The following TMEM178B variants were observed in gnomAD, a reference collection of about 807,000 sequenced individuals.
TMEM178B encodes the protein transmembrane protein 178B.
In TMEM178B, 5 loss-of-function variants were observed where a neutral mutation model predicts 31.0. That is an observed-to-expected ratio of 0.16 (90% CI 0.08 to 0.34). The LOEUF is 0.34. Among genes scored for constraint, TMEM178B ranks in the 10% least tolerant of loss-of-function variants. The pLI is 1.00. For missense variants in TMEM178B, 275 were observed against 400.3 expected (o/e 0.69, Z 2.67); for synonymous variants, 164 against 164.0 (o/e 1.00, Z 0.00).
In TMEM178B at chr7:141,262,474, A is replaced by AATATATATATATATATATATAT. The variant is rs10570183; in HGVS notation, c.496+49779_496+49800dup. On this transcript the variant is annotated intron_variant, in intron 2 of 3. Transcript: ENST00000565468. ...AATGGAAAGCTTGATAAATACATAT[A>AATATATATATATATATATATAT]ATATATATATATATATATATATATA... Among the ~76,000 whole-genome samples the AATATATATATATATATATATAT allele has an allele frequency of 3.4e-3, 452 of 131,654 alleles. 7 individuals carry two copies. Among genetic ancestry groups the AATATATATATATATATATATAT allele is most frequent in the Non-Finnish European group, 4.3e-3 (270 of 62,694 alleles). 86.4% of individuals were successfully genotyped at this position (131,654 alleles called of 152,430 possible). A position where few individuals can be genotyped will look rare whatever the true frequency, so the allele number is the denominator to read the frequency against.
chr7:141,493,755 A>G, the TMEM178B span, among the ~76,000 whole-genome samples: 1 of 152,166 alleles, frequency 6.6e-6, no homozygotes, highest in Non-Finnish European at 1.5e-5. Flanking sequence ...CTGTCAATGC[A>G]TATCTTCATT....
At chr7:141,208,261 A>G (rs1018757660) in intron 1 of TMEM178B, among the ~76,000 whole-genome samples, 3 of 152,272 alleles carry the variant, frequency 2.0e-5, no homozygotes, top group Admixed American at 6.5e-5. Flanking sequence ...CACCCCTGGG[A>G]TCTCAACCAG....
the TMEM178B span, among the ~76,000 whole-genome samples, chr7:141,501,378 T>C: frequency 6.6e-6 from 1 of 151,880 alleles, no homozygotes; most frequent in Admixed American, 6.6e-5. Context: ...AAGAACCTCC[T>C]AGAATCCACA....
At chr7:141,447,852 T>G (rs1356644868) in intron 3 of TMEM178B, among the ~76,000 whole-genome samples, 2 of 152,022 alleles carry the variant, frequency 1.3e-5, no homozygotes, top group Non-Finnish European at 2.9e-5. Context: ...CGTTCAAACA[T>G]GATTAAGAAT....
intron 1 of TMEM178B, among the ~76,000 whole-genome samples, chr7:141,189,279 GGCAGAACTTTCCCAT>G (rs1796659115): frequency 6.6e-6 from 1 of 152,266 alleles, no homozygotes; most frequent in Admixed American, 6.5e-5. Context: ...ATTGAGTGAA[GGCAGAACTTTCCCAT>G]GCAGTGGCTG....
intron 2 of TMEM178B, among the ~76,000 whole-genome samples, chr7:141,215,316 T>TTTATTA (rs1021886023): frequency 3.5e-5 from 5 of 144,182 alleles, no homozygotes; most frequent in Non-Finnish European, 4.5e-5. Flanking sequence ...GGTTATCATC[T>TTTATTA]TTATTATTAT....
chr7:141,285,025 A>G (rs71545307), intron 2 of TMEM178B, among the ~76,000 whole-genome samples: 181 of 151,626 alleles, frequency 1.2e-3, no homozygotes, highest in Non-Finnish European at 2.0e-3. Flanking sequence ...GGTCAAGCCT[A>G]CCAGACTGAA....
intron 1 of TMEM178B, among the ~76,000 whole-genome samples, chr7:141,102,162 A>G (rs564026152): frequency 1.3e-5 from 2 of 152,174 alleles, no homozygotes; most frequent in Non-Finnish European, 1.5e-5. Flanking sequence ...TAGTTTCATT[A>G]GAGAGTGCGA....
chr7:141,108,719 C>T (rs1170819488), intron 1 of TMEM178B, among the ~76,000 whole-genome samples: 1 of 152,134 alleles, frequency 6.6e-6, no homozygotes, highest in East Asian at 1.9e-4. Flanking sequence ...CCAGGTATAA[C>T]ATGAGACTAG....
At chr7:141,369,191 T>C (rs1378248030) in intron 2 of TMEM178B, among the ~76,000 whole-genome samples, 2 of 152,092 alleles carry the variant, frequency 1.3e-5, no homozygotes, top group Non-Finnish European at 2.9e-5. Flanking sequence ...AAATATTCAG[T>C]ATTTGTTTGT....
intron 1 of TMEM178B, among the ~76,000 whole-genome samples, chr7:141,100,169 T>G (rs1373299371): frequency 6.6e-6 from 1 of 152,036 alleles, no homozygotes; most frequent in Non-Finnish European, 1.5e-5. Context: ...TGGGCAGTTT[T>G]AGAATAAGCA....
chr7:141,262,713 A>G (rs1420619106), intron 2 of TMEM178B, among the ~76,000 whole-genome samples: 1 of 152,170 alleles, frequency 6.6e-6, no homozygotes, highest in East Asian at 1.9e-4. Context: ...CTGAACAGTC[A>G]TTGACGACAA....
chr7:141,257,023 C>G (rs4726439), intron 2 of TMEM178B, among the ~76,000 whole-genome samples: 66,859 of 151,782 alleles, frequency 0.44, 14,978 homozygotes, highest in East Asian at 0.68. Flanking sequence ...TCAAAGGAAG[C>G]GTACAGATGA....
chr7:141,303,518 G>C (rs1798763312), intron 2 of TMEM178B, among the ~76,000 whole-genome samples: 1 of 152,222 alleles, frequency 6.6e-6, no homozygotes, highest in Admixed American at 6.5e-5. Context: ...CCCCAAACCT[G>C]ACGAGCTGCG....
At chr7:141,192,395 A>G (rs1213527303) in intron 1 of TMEM178B, among the ~76,000 whole-genome samples, 1 of 152,100 alleles carries the variant, frequency 6.6e-6, no homozygotes, top group Non-Finnish European at 1.5e-5. Context: ...GTCCAGCAGA[A>G]AAAAGCACCA....
intron 2 of TMEM178B, among the ~76,000 whole-genome samples, chr7:141,328,152 G>A (rs934099739): frequency 6.6e-6 from 1 of 152,192 alleles, no homozygotes; most frequent in Non-Finnish European, 1.5e-5. Flanking sequence ...TGGCTCCTGA[G>A]GGAGAATGTA....
At chr7:141,367,757 C>T (rs1800036156) in intron 2 of TMEM178B, among the ~76,000 whole-genome samples, 2 of 152,084 alleles carry the variant, frequency 1.3e-5, no homozygotes, top group African/African-American at 4.8e-5. Flanking sequence ...TCTTGGGAAG[C>T]AGAGGGAGGA....
chr7:141,435,118 A>G (rs1248365354), intron 2 of TMEM178B, among the ~76,000 whole-genome samples: 1 of 151,656 alleles, frequency 6.6e-6, no homozygotes, highest in African/African-American at 2.4e-5. Context: ...AGGCAGCAAC[A>G]TACACTGGGG....
intron 2 of TMEM178B, among the ~76,000 whole-genome samples, chr7:141,371,785 C>T (rs866194161): frequency 6.6e-6 from 1 of 152,178 alleles, no homozygotes; most frequent in African/African-American, 2.4e-5. Flanking sequence ...CTCAGCCCAT[C>T]TGTCCACCTA....
Sources: gnomAD v4.1 joint callset for allele counts (sites outside exome capture counted in the v4.1 genomes callset) on GRCh38, gnomAD v4.1.1 for gene constraint, MANE v1.5 for transcripts, NCBI Gene and HGNC (gene_info 2026-07-23, HGNC 2026-07-21) for gene names.